The following DTNA variants were observed in gnomAD, a reference collection of about 807,000 sequenced individuals.
DTNA encodes dystrobrevin alpha.
A neutral mutation model predicts 100.7 loss-of-function variants in DTNA; 43 were observed. The observed-to-expected ratio is 0.43, with a 90% CI of 0.33 to 0.55. DTNA has a LOEUF of 0.55. Ranked by LOEUF, DTNA falls within the 20% of genes least tolerant of loss-of-function variation. The probability of loss-of-function intolerance (pLI) is 0.04; values close to 1 mark genes in which losing one functional copy is unlikely to be tolerated. For synonymous variants in DTNA, 349 were observed against 347.9 expected, an observed-to-expected ratio of 1.00 and a Z score of -0.04; for missense variants, 798 against 953.9, an observed-to-expected ratio of 0.84 and a Z score of 2.15.
chr18:34,727,117 A>T (rs538290562), intron 1 of DTNA, among the ~76,000 whole-genome samples: 21 of 152,130 alleles, frequency 1.4e-4, no homozygotes, highest in Non-Finnish European at 2.6e-4. Flanking sequence ...CCTTTAAGCA[A>T]AGGCTGGAGC....
intron 21 of DTNA, among the ~76,000 whole-genome samples, chr18:34,882,838 C>T (rs772498277): frequency 6.6e-6 from 1 of 152,124 alleles, no homozygotes; most frequent in Admixed American, 6.6e-5. Context: ...GAACAGGGCA[C>T]GAGGAAATTG....
intron 1 of DTNA, among the ~76,000 whole-genome samples, chr18:34,577,852 C>T (rs1266487643): frequency 6.6e-6 from 1 of 151,606 alleles, no homozygotes; most frequent in Non-Finnish European, 1.5e-5. Flanking sequence ...TCTTTATCCA[C>T]TCGTTGATTG....
At chr18:34,495,587 C>A (rs1601069739) in intron 1 of DTNA, among the ~76,000 whole-genome samples, 1 of 152,124 alleles carries the variant, frequency 6.6e-6, no homozygotes. Flanking sequence ...CTCACTCTGG[C>A]GAGAGTTGGG....
At chr18:34,596,328 C>T (rs1004056771) in intron 1 of DTNA, among the ~76,000 whole-genome samples, 4 of 152,172 alleles carry the variant, frequency 2.6e-5, no homozygotes, top group South Asian at 2.1e-4. Context: ...AAGTGATTCT[C>T]GTACCTTGGC....
Position 34,594,061 on chromosome 18 carries a change from G to A in DTNA, c.-2+100547G>A, listed in dbSNP as rs144918779. On this transcript the variant is annotated intron_variant, in intron 1 of 19. Transcript: ENST00000283365. The stretch of plus-strand genomic sequence containing the variant: ...AAAAAGCAACTGAGAAAAAAAATAG[G>A]CACTTTTCAGGAAGAGAAGAATTAA... 4.0e-3 allele frequency among the ~76,000 whole-genome samples: 609 copies of A among 152,106 alleles called. 2 individuals are homozygous for A. The highest frequency in any genetic ancestry group is 0.034 in the Middle Eastern group (10 of 294).
chr18:34,667,773 C>G (rs2144854629), intron 1 of DTNA, among the ~76,000 whole-genome samples: 1 of 152,230 alleles, frequency 6.6e-6, no homozygotes, highest in Admixed American at 6.5e-5. Context: ...AGGGATGAAG[C>G]CAATTTGATC....
intron 1 of DTNA, among the ~76,000 whole-genome samples, chr18:34,556,347 A>G (rs1360097191): frequency 2.0e-5 from 3 of 152,072 alleles, no homozygotes; most frequent in Admixed American, 2.0e-4. Context: ...GTGTCTTTTA[A>G]TTGGCACATT....
chr18:34,671,727 T>A (rs1424785321), intron 1 of DTNA, among the ~76,000 whole-genome samples: 1 of 152,240 alleles, frequency 6.6e-6, no homozygotes, highest in Non-Finnish European at 1.5e-5. Context: ...TCTAGTTTTA[T>A]AAGGTTTTAT....
At chr18:34,868,125 A>T in intron 17 of DTNA, 17 of 442,406 alleles carry the variant, frequency 3.8e-5, no homozygotes, top group Non-Finnish European at 4.8e-5. Context: ...AGGGACAAGG[A>T]TGTTACTCTG....
At chr18:34,534,756 T>G (rs2043515135) in intron 1 of DTNA, among the ~76,000 whole-genome samples, 1 of 152,060 alleles carries the variant, frequency 6.6e-6, no homozygotes. Flanking sequence ...GGTTTACTGT[T>G]CCTGTGTTAG....
At position 34,852,148 on chromosome 18, in the gene DTNA, G is replaced by C. The variant is rs112067476; in HGVS notation, c.1532+220G>C. Among the ~76,000 whole-genome samples, 2,069 of 152,236 alleles carry C rather than the reference G, an allele frequency of 0.014. 29 individuals carry two copies. Among genetic ancestry groups the C allele is most frequent in the African/African-American group, 0.048 (1,978 of 41,514 alleles). On this transcript the variant is annotated intron_variant, in intron 15 of 22. Transcript: ENST00000444659. ...CGTGTGCATGTATGTGTATAGTTCTGAGATATCAATGCAATTAATGTTGCC... is the reference window on the plus strand; with the variant it reads ...CGTGTGCATGTATGTGTATAGTTCTCAGATATCAATGCAATTAATGTTGCC...
chr18:34,736,259 A>T (rs1027033263), intron 1 of DTNA, among the ~76,000 whole-genome samples: 1 of 152,162 alleles, frequency 6.6e-6, no homozygotes. Flanking sequence ...CACACTACAC[A>T]TATGTATGCG....
chr18:34,674,318 G>A (rs140003899), intron 1 of DTNA, among the ~76,000 whole-genome samples: 324 of 152,270 alleles, frequency 2.1e-3, no homozygotes, highest in African/African-American at 7.7e-3. Flanking sequence ...AATAAGCTAT[G>A]CCCTTAATAG....
chr18:34,574,241 C>A, intron 1 of DTNA: 1 of 153,040 alleles, frequency 6.5e-6, no homozygotes, highest in South Asian at 2.0e-4. Flanking sequence ...GGGAACTTGC[C>A]AGCCTTATTT....
chr18:34,750,127 A>G (rs1337334356), intron 1 of DTNA, among the ~76,000 whole-genome samples: 1 of 152,240 alleles, frequency 6.6e-6, no homozygotes, highest in African/African-American at 2.4e-5. Flanking sequence ...CTGTCATCAT[A>G]TTAAACCCAA....
At chr18:34,868,351 A>C in intron 17 of DTNA, 1 of 528,700 alleles carries the variant, frequency 1.9e-6, no homozygotes, top group Non-Finnish European at 2.4e-6. Flanking sequence ...GACCTCAGTC[A>C]AAATTAAAAG....
At chr18:34,642,611 T>A (rs1349856260) in intron 1 of DTNA, among the ~76,000 whole-genome samples, 1 of 151,954 alleles carries the variant, frequency 6.6e-6, no homozygotes, top group Non-Finnish European at 1.5e-5. Flanking sequence ...CAGGCTGGAA[T>A]GCAGTGGCGC....
chr18:34,584,047 T>C (rs1399862785), intron 1 of DTNA, among the ~76,000 whole-genome samples: 3 of 152,140 alleles, frequency 2.0e-5, no homozygotes, highest in Admixed American at 6.5e-5. Context: ...CTTCAAGCCT[T>C]CTTAGGTGGC....
intron 1 of DTNA, among the ~76,000 whole-genome samples, chr18:34,502,837 T>G (rs188103558): frequency 4.6e-5 from 7 of 152,330 alleles, no homozygotes; most frequent in Admixed American, 2.6e-4. Flanking sequence ...TTTGGCTGTT[T>G]CGGGGTAGAG....
Sources: gnomAD v4.1 joint callset for allele counts (sites outside exome capture counted in the v4.1 genomes callset) on GRCh38, gnomAD v4.1.1 for gene constraint, MANE v1.5 for transcripts, NCBI Gene and HGNC (gene_info 2026-07-23, HGNC 2026-07-21) for gene names.